Variants in SPIRE2 observed in about 807,000 individuals in gnomAD.
SPIRE2 encodes protein spire homolog 2.
In SPIRE2, 76 loss-of-function variants were observed where a neutral mutation model predicts 80.7. That is an observed-to-expected ratio of 0.94 (90% CI 0.78 to 1.14). SPIRE2 has a LOEUF of 1.14. SPIRE2 is among the 50% of genes most tolerant of loss of function. The pLI, the probability that SPIRE2 is intolerant of heterozygous loss-of-function variation, is 0.00. For synonymous variants in SPIRE2, 535 were observed against 432.6 expected (o/e 1.24, Z -2.94); for missense variants, 1,196 against 1,015.3 (o/e 1.18, Z -2.42).
At chr16:89,851,222 A>G (rs907074888) in intron 3 of SPIRE2, among the ~76,000 whole-genome samples, 17 of 152,020 alleles carry the variant, frequency 1.1e-4, no homozygotes, top group African/African-American at 3.4e-4. Context: ...AGCGCGCATT[A>G]TTCTCTCTTC....
chr16:89,854,190 G>T, intron 3 of SPIRE2, 96 bp from the exon 4 acceptor site: 2 of 1,132,188 alleles, frequency 1.8e-6, no homozygotes, highest in South Asian at 2.8e-5. Context: ...GTCGAGTGGA[G>T]CCCCCGTGAC....
At chr16:89,845,254 G>A (rs1598222470) in intron 1 of SPIRE2, 68 bp from the exon 2 acceptor site, 1 of 1,412,768 alleles carries the variant, frequency 7.1e-7, no homozygotes. Flanking sequence ...GGGGAGGTGG[G>A]GGGACAGCAG....
chr16:89,863,244 G>A lies in SPIRE2; in HGVS notation c.1576-232G>A. The A allele has an allele frequency of 1.7e-6, 1 of 573,658 alleles. No homozygotes were observed. The highest frequency in any genetic ancestry group is 3.1e-6 in the Non-Finnish European group (1 of 321,944). 35.5% of individuals were successfully genotyped at this position (573,658 alleles called of 1,614,324 possible). A position where few individuals can be genotyped will look rare whatever the true frequency, so the allele number is the denominator to read the frequency against. ...TTTGTGTGGAGCGTGGCCAGTGAAGGCTGGGCTGGCCGGCAGGGTCCGCTG... is the reference window on the plus strand; with the variant it reads ...TTTGTGTGGAGCGTGGCCAGTGAAGACTGGGCTGGCCGGCAGGGTCCGCTG... On this transcript the variant is annotated intron_variant, in intron 10 of 14. Transcript: ENST00000378247. The surrounding 1 kb of genome is among the most constrained non-coding windows in gnomAD (Gnocchi z 4.3).
intron 1 of SPIRE2, chr16:89,836,510 C>T (rs1429778604): frequency 6.9e-6 from 2 of 288,420 alleles, no homozygotes; most frequent in South Asian, 3.2e-5. Context: ...GATGGTAGGA[C>T]GGTTCCCCTA....
Position 89,828,698 on chromosome 16 carries a change from G to A in SPIRE2, c.148G>A (p.Gly50Arg), listed in dbSNP as rs781673634. 2.3e-6 allele frequency: 3 copies of A among 1,286,800 alleles called. No individual in the cohort carries two copies. The highest frequency in any genetic ancestry group is 3.3e-5 in the East Asian group (1 of 30,294). 79.7% of individuals were successfully genotyped at this position (1,286,800 alleles called of 1,614,324 possible). A position where few individuals can be genotyped will look rare whatever the true frequency, so the allele number is the denominator to read the frequency against. Reference sequence around the variant, plus strand: ...GGCCGTGTGCTTCCAGGGCTGCCGCGGGCTGCGGGGCTCGCCGGGCCGGCG... The same window carrying A: ...GGCCGTGTGCTTCCAGGGCTGCCGCAGGCTGCGGGGCTCGCCGGGCCGGCG... The part of the protein sequence containing the change: ...AWAVCFQGCR[G>R]LRGSPGRRLR... Residue 50 changes from glycine to arginine, a missense_variant, in exon 1 of 15, where the codon GGG becomes AGG. Gly to Arg is a moderately radical substitution (Grantham distance 125). Coordinates refer to ENST00000378247, the MANE Select transcript of SPIRE2 (RefSeq NM_032451.2). This position sits in a 1 kb window ranked among gnomAD's most constrained non-coding sequence, Gnocchi z 5.9.
At position 89,869,054 on chromosome 16, in the gene SPIRE2, A is replaced by AAAAAAG. The variant is rs1491145682; in HGVS notation, c.1807-513_1807-512insAAAAAG. ...CTTAAAAAAAAAAAAAAAAAAAAAA[A>AAAAAAG]TATATATATATATATATATATGTTA... On this transcript the variant is annotated intron_variant, in intron 13 of 14. Transcript: ENST00000378247. Among the ~76,000 whole-genome samples, 8 of 48,470 alleles carry AAAAAAG rather than the reference A, an allele frequency of 1.7e-4. 1 individual carries two copies. The highest frequency in any genetic ancestry group is 2.3e-4 in the Admixed American group (1 of 4,388). The allele number at this position is 48,470 out of a possible 152,430, so 31.8% of individuals were successfully genotyped here.
chr16:89,850,265 C>T (rs770100709), intron 2 of SPIRE2, 39 bp from the exon 3 acceptor site: 15 of 1,574,914 alleles, frequency 9.5e-6, no homozygotes, highest in Non-Finnish European at 1.3e-5. Flanking sequence ...GCCCCACCCC[C>T]CTGCAGTACC....
At chr16:89,832,600 G>A (rs1372985466) in intron 1 of SPIRE2, among the ~76,000 whole-genome samples, 1 of 152,048 alleles carries the variant, frequency 6.6e-6, no homozygotes, top group Non-Finnish European at 1.5e-5. Context: ...ATCACGGCCA[G>A]CATCACCTGC....
In SPIRE2 at chr16:89,863,821, C is replaced by CCGCTGTTCT. The variant is rs1285952184; in HGVS notation, c.1741_1749dup (p.Leu581_Ser583dup). 1 of 1,614,080 alleles carries CCGCTGTTCT rather than the reference C, an allele frequency of 6.2e-7. No individual in the cohort carries two copies. Among genetic ancestry groups the CCGCTGTTCT allele is most frequent in the African/African-American group, 1.3e-5 (1 of 75,016 alleles). Reference sequence around the variant, plus strand: ...TTGCTGCTGCTGCCGGGCCAAGTTCCCGCTGTTCTCGTGGCCGCCCAGCTG... The same window carrying CCGCTGTTCT: ...TTGCTGCTGCTGCCGGGCCAAGTTCCCGCTGTTCTCGCTGTTCTCGTGGCCGCCCAGCTG... On this transcript the variant is annotated inframe_insertion, in exon 12 of 15. Coordinates refer to ENST00000378247, the MANE Select transcript of SPIRE2 (RefSeq NM_032451.2). The surrounding 1 kb of genome is among the most constrained non-coding windows in gnomAD (Gnocchi z 4.3).
At chr16:89,842,040 TTAACATCTAGTTTTA>T (rs1014859292) in intron 1 of SPIRE2, among the ~76,000 whole-genome samples, 23 of 151,704 alleles carry the variant, frequency 1.5e-4, no homozygotes, top group African/African-American at 5.6e-4. Flanking sequence ...AAATAATTTT[TTAACATCTAGTTTTA>T]TAACATCTGA....
intron 1 of SPIRE2, among the ~76,000 whole-genome samples, chr16:89,831,296 C>T (rs929773875): frequency 4.0e-5 from 6 of 150,820 alleles, no homozygotes; most frequent in Non-Finnish European, 7.4e-5. Flanking sequence ...CCCTTCCTTC[C>T]GTCACCTGCC....
At chr16:89,849,100 G>C (rs908463938) in intron 2 of SPIRE2, among the ~76,000 whole-genome samples, 1 of 152,274 alleles carries the variant, frequency 6.6e-6, no homozygotes, top group Admixed American at 6.5e-5. Context: ...CTCAGGATCA[G>C]GTTTCCTGGG....
chr16:89,866,737 T>C, intron 12 of SPIRE2, among the ~76,000 whole-genome samples: 1 of 151,880 alleles, frequency 6.6e-6, no homozygotes. Flanking sequence ...GCCTCCCGAG[T>C]AGCTGGAACT....
chr16:89,858,232 C>T, intron 7 of SPIRE2, 106 bp from the exon 8 acceptor site: 3 of 1,221,512 alleles, frequency 2.5e-6, no homozygotes, highest in South Asian at 3.4e-5. Flanking sequence ...GTTTCCCCTT[C>T]TGCAAAGTCA....
intron 3 of SPIRE2, 86 bp from the exon 4 acceptor site, chr16:89,854,200 C>A: frequency 7.9e-7 from 1 of 1,258,950 alleles, no homozygotes; most frequent in Non-Finnish European, 1.1e-6. Flanking sequence ...GCCCCCGTGA[C>A]GTGGTCGTGT....
rs528070188 is a variant in SPIRE2 at position 89,863,172 on chromosome 16, T to G, written c.1576-304T>G. On this transcript the variant is annotated intron_variant, in intron 10 of 14. Coordinates refer to ENST00000378247, the MANE Select transcript of SPIRE2 (RefSeq NM_032451.2). This position sits in a 1 kb window ranked among gnomAD's most constrained non-coding sequence, Gnocchi z 4.3. ...CTGGCTGGTGTGGATCAGCCCATGG[T>G]GTGTTTGCAGGCAGGGACACCTTGA... is the stretch of plus-strand genomic sequence containing the variant. The G allele has an allele frequency of 2.3e-6, 1 of 426,438 alleles. No individual in the cohort carries two copies. The highest frequency in any genetic ancestry group is 4.6e-5 in the East Asian group (1 of 21,508). The allele number at this position is 426,438 out of a possible 1,614,324, so 26.4% of individuals were successfully genotyped here.
chr16:89,845,465 C>A, intron 2 of SPIRE2, 100 bp downstream of exon 2: 1 of 1,093,680 alleles, frequency 9.1e-7, no homozygotes, highest in Non-Finnish European at 1.4e-6. Flanking sequence ...ACAGTTGTTT[C>A]AGGGAGGCAG....
intron 10 of SPIRE2, among the ~76,000 whole-genome samples, chr16:89,861,349 C>T (rs1009042381): frequency 2.6e-5 from 4 of 152,186 alleles, no homozygotes; most frequent in African/African-American, 4.8e-5. Context: ...GGGATGTGAA[C>T]GGTGTGGTTG....
rs1597224030 is a variant in SPIRE2, at chr16:89,863,617, C to T, written c.1710+7C>T. On this transcript the variant is annotated splice_region_variant and intron_variant, in intron 11 of 14. Transcript: ENST00000378247. The surrounding 1 kb of genome is among the most constrained non-coding windows in gnomAD (Gnocchi z 4.3). ...CAGTCTGAAGAAGGGGAAGGTGAGG[C>T]TGCCTAGACGTGGGGCTACGCTCTT... 1.9e-6 allele frequency: 3 copies of T among 1,613,948 alleles called. No individual in the cohort carries two copies. The African/African-American group carries it at 4.0e-5, about 22-fold the overall frequency.
Sources: allele counts gnomAD v4.1 joint callset (sites outside exome capture counted in the v4.1 genomes callset), GRCh38; gene constraint gnomAD v4.1.1; non-coding constraint Gnocchi (gnomAD v3.1); transcripts MANE v1.5; gene names NCBI Gene and HGNC (gene_info 2026-07-23, HGNC 2026-07-21).